The following PWWP3B variants were observed in gnomAD, a reference collection of about 807,000 sequenced individuals.
PWWP3B encodes PWWP domain containing 3B, also known as PWWP domain-containing DNA repair factor 3B.
Under a neutral mutation model 15.7 loss-of-function variants are expected in PWWP3B, and 5 were observed. The ratio of observed to expected loss-of-function variants is 0.32; its 90% CI spans 0.17 to 0.67. The LOEUF (loss-of-function observed/expected upper bound fraction) is 0.67. Ranked by LOEUF, PWWP3B falls within the 30% of genes least tolerant of loss-of-function variation. PWWP3B has a pLI of 0.74. For synonymous variants in PWWP3B, 203 were observed against 179.8 expected, an observed-to-expected ratio of 1.13 and a Z score of -1.03; for missense variants, 519 against 493.1, an observed-to-expected ratio of 1.05 and a Z score of -0.50.
intron 2 of PWWP3B, among the ~76,000 whole-genome samples, chrX:106,192,122 C>T (rs915690573): frequency 2.1e-4 from 23 of 111,519 alleles, no homozygotes; most frequent in Non-Finnish European, 3.6e-4. Context: ...AATGGTACCA[C>T]CTACTTTTTG....
chrX:106,195,277 A>G (rs1177939610), intron 2 of PWWP3B, among the ~76,000 whole-genome samples: 2 of 111,297 alleles, frequency 1.8e-5, no homozygotes, highest in Non-Finnish European at 3.8e-5. Flanking sequence ...CCTTCATCAC[A>G]TAGGTGTTTT....
intron 2 of PWWP3B, among the ~76,000 whole-genome samples, chrX:106,192,718 TC>T (rs1923077564): frequency 9.0e-6 from 1 of 111,247 alleles, no homozygotes; most frequent in South Asian, 4.0e-4. Context: ...TTTGAATGTG[TC>T]CCAGAGATTC....
At chrX:106,192,150 G>A (rs1300423526) in intron 2 of PWWP3B, among the ~76,000 whole-genome samples, 1 of 111,492 alleles carries the variant, frequency 9.0e-6, no homozygotes, top group Non-Finnish European at 1.9e-5. Context: ...GTTAGAATTT[G>A]GCTGTGAATC....
At chrX:106,183,210 C>G (rs1922312351) in intron 2 of PWWP3B, among the ~76,000 whole-genome samples, 2 of 111,622 alleles carry the variant, frequency 1.8e-5, no homozygotes, top group African/African-American at 6.5e-5. Flanking sequence ...TTGGTTGAAG[C>G]AACTCCATTC....
intron 2 of PWWP3B, among the ~76,000 whole-genome samples, chrX:106,177,845 G>A (rs1921980536): frequency 8.9e-6 from 1 of 111,857 alleles, no homozygotes; most frequent in African/African-American, 3.3e-5. Context: ...TCCTTAGGAA[G>A]GGAACTAGAC....
chrX:106,190,314 ATG>A (rs976632838), intron 2 of PWWP3B, among the ~76,000 whole-genome samples: 2 of 111,877 alleles, frequency 1.8e-5, no homozygotes, highest in Non-Finnish European at 3.8e-5. Flanking sequence ...GCATTTTTTC[ATG>A]TGTTTTTTGG....
At position 106,205,487 on chromosome X, in the gene PWWP3B, G is replaced by A; in HGVS notation, c.55G>A (p.Val19Ile). ...NWKDQLWPAK[V>I]LSRSETSSNS... ...GAAAGACCAGTTGTGGCCAGCAAAAGTTTTGTCCAGATCTGAAACTTCATC... is the reference window on the plus strand; with the variant it reads ...GAAAGACCAGTTGTGGCCAGCAAAAATTTTGTCCAGATCTGAAACTTCATC... Residue 19 changes from valine (V) to isoleucine (I), a missense_variant, in exon 4 of 4, where the codon GTT becomes ATT. Val to Ile is a conservative substitution (Grantham distance 29). Coordinates refer to ENST00000357175, the MANE Select transcript of PWWP3B (RefSeq NM_001171020.2). The A allele has an allele frequency of 8.4e-7, 1 of 1,195,846 alleles. No individual in the cohort carries two copies. Among genetic ancestry groups the A allele is most frequent in the Non-Finnish European group, 1.1e-6 (1 of 887,750 alleles).
At chrX:106,203,252 G>T (rs1439858140) in intron 2 of PWWP3B, among the ~76,000 whole-genome samples, 2 of 111,411 alleles carry the variant, frequency 1.8e-5, no homozygotes, top group Non-Finnish European at 3.8e-5. Flanking sequence ...ATACCTTTTT[G>T]CATCTTCTCA....
chrX:106,193,290 G>A (rs1179012918), intron 2 of PWWP3B, among the ~76,000 whole-genome samples: 1 of 111,454 alleles, frequency 9.0e-6, no homozygotes, highest in East Asian at 2.8e-4. Flanking sequence ...TTACCATTAT[G>A]TAATGGCCTT....
At chrX:106,197,145 A>G (rs2147626021) in intron 2 of PWWP3B, among the ~76,000 whole-genome samples, 1 of 111,629 alleles carries the variant, frequency 9.0e-6, no homozygotes, top group Non-Finnish European at 1.9e-5. Flanking sequence ...TCCTCTCCCC[A>G]TGGCAGCTAA....
In PWWP3B at chrX:106,183,011, C is replaced by T. The variant is rs1922298911; in HGVS notation, c.-401+11872C>T. 3.6e-5 allele frequency among the ~76,000 whole-genome samples: 4 copies of T among 110,947 alleles called. No homozygotes were observed. In the South Asian group the frequency reaches 1.6e-3, roughly 43 times the overall value. On this transcript the variant is annotated intron_variant, in intron 2 of 3. Transcript: ENST00000357175. ...GGCTGGTCTGGCAGATCCTGGGACT[C>T]CTGAGCTGACGGTCCTGCAGGTTCC...
rs370265731 is a variant in PWWP3B, at chrX:106,206,571, G to A, written c.1139G>A (p.Arg380His). Reference sequence around the variant, plus strand: ...GATGAGGAAGACGAAGAACTTCCACGCTTCATTTTACATTATGAGACACAT... The same window carrying A: ...GATGAGGAAGACGAAGAACTTCCACACTTCATTTTACATTATGAGACACAT... ...DDDEEDEELP[R>H]FILHYETHPF... The change falls in exon 4 of 4, where the codon CGC (arginine) becomes CAC (histidine). Residue 380 changes from arginine to histidine, a missense_variant. Physicochemically the swap from Arg to His is conservative, Grantham distance 29. Coordinates refer to ENST00000357175, the MANE Select transcript of PWWP3B (RefSeq NM_001171020.2). 6 of 1,207,422 alleles carry A rather than the reference G, an allele frequency of 5.0e-6. No homozygotes were observed. The African/African-American group carries it at 5.3e-5, about 11-fold the overall frequency.
intron 1 of PWWP3B, among the ~76,000 whole-genome samples, chrX:106,168,782 A>C (rs142316799): frequency 4.5e-5 from 5 of 112,140 alleles, no homozygotes; most frequent in Non-Finnish European, 9.4e-5. Flanking sequence ...TATTACTTTG[A>C]ATGTGTTGTG....
At chrX:106,170,596 T>G (rs1464278346) in intron 1 of PWWP3B, among the ~76,000 whole-genome samples, 1 of 111,808 alleles carries the variant, frequency 8.9e-6, no homozygotes, top group African/African-American at 3.3e-5. Context: ...AAATATGTTT[T>G]GTATTAGCCG....
chrX:106,191,420 T>A, intron 2 of PWWP3B, among the ~76,000 whole-genome samples: 1 of 112,023 alleles, frequency 8.9e-6, no homozygotes, highest in Middle Eastern at 4.6e-3. Flanking sequence ...AAGTTGCTTA[T>A]CAGCTTGAGG....
chrX:106,190,554 T>A (rs1055915198), intron 2 of PWWP3B, among the ~76,000 whole-genome samples: 1 of 111,780 alleles, frequency 8.9e-6, no homozygotes, highest in Non-Finnish European at 1.9e-5. Context: ...TTTAATTAGA[T>A]CCCATTTGTC....
chrX:106,199,893 A>G (rs1923597054), intron 2 of PWWP3B, among the ~76,000 whole-genome samples: 1 of 111,595 alleles, frequency 9.0e-6, no homozygotes, highest in Non-Finnish European at 1.9e-5. Flanking sequence ...ATGATATACG[A>G]TTGTAAAAAA....
At position 106,206,799 on chromosome X, in the gene PWWP3B, A is replaced by G; in HGVS notation, c.1367A>G (p.Asp456Gly). The G allele has an allele frequency of 8.3e-7, 1 of 1,209,980 alleles. No individual in the cohort carries two copies. The highest frequency in any genetic ancestry group is 3.0e-5 in the East Asian group (1 of 33,765). Reference sequence around the variant, plus strand: ...TGTAAAGAGAAACAAATGCTAGTGGACAAAGCCAGGGAGGATTATAGTGAG... The same window carrying G: ...TGTAAAGAGAAACAAATGCTAGTGGGCAAAGCCAGGGAGGATTATAGTGAG... ...FDCKEKQMLVDKAREDYSESI... is the reference protein window; with the variant it reads ...FDCKEKQMLVGKAREDYSESI... The change falls in exon 4 of 4, where the codon GAC becomes GGC. Residue 456 changes from aspartate to glycine, a missense_variant. Transcript: ENST00000357175.
intron 1 of PWWP3B, among the ~76,000 whole-genome samples, chrX:106,168,918 A>G (rs1418567361): frequency 8.9e-6 from 1 of 112,168 alleles, no homozygotes; most frequent in Non-Finnish European, 1.9e-5. Context: ...ATGACTTAAT[A>G]TAATAGCTTT....
Sources: allele counts gnomAD v4.1 joint callset (sites outside exome capture counted in the v4.1 genomes callset), GRCh38; gene constraint gnomAD v4.1.1; transcripts MANE v1.5; gene names NCBI Gene and HGNC (gene_info 2026-07-23, HGNC 2026-07-21).